ATAD2B: variants seen among roughly 807,000 people sequenced by gnomAD.
ATAD2B encodes ATPase family AAA domain containing 2B.
ATAD2B carries 40 observed loss-of-function variants against 167.6 expected under a neutral mutation model. The ratio of observed to expected loss-of-function variants is 0.24; its 90% CI spans 0.19 to 0.31. ATAD2B has a LOEUF of 0.31. ATAD2B is among the 10% of genes least tolerant of loss of function. The pLI is 1.00. For synonymous variants in ATAD2B, 579 were observed against 596.5 expected (o/e 0.97, Z 0.43); for missense variants, 1,242 against 1,757.2 (o/e 0.71, Z 5.24).
chr2:23,773,649 A>G (rs1489638502), intron 22 of ATAD2B, among the ~76,000 whole-genome samples: 2 of 152,234 alleles, frequency 1.3e-5, no homozygotes, highest in South Asian at 4.1e-4. Flanking sequence ...TAGAAACTAT[A>G]TATTTATGAG....
chr2:23,745,937 G>A (rs1030058475), downstream of ATAD2B, among the ~76,000 whole-genome samples: 1 of 152,210 alleles, frequency 6.6e-6, no homozygotes, highest in African/African-American at 2.4e-5. Context: ...AAATAAATCT[G>A]TGAAACAGAT....
intron 2 of ATAD2B, among the ~76,000 whole-genome samples, chr2:23,891,021 T>A (rs962829000): frequency 4.2e-4 from 18 of 43,358 alleles, no homozygotes; most frequent in African/African-American, 9.8e-4. Flanking sequence ...TATACTGAGA[T>A]TTTTTTTTTT....
the ATAD2B span, among the ~76,000 whole-genome samples, chr2:23,720,994 T>TCCCAGCAGCGTAAAGC: frequency 6.6e-6 from 1 of 151,014 alleles, no homozygotes; most frequent in East Asian, 2.0e-4. Flanking sequence ...TTCCACCACA[T>TCCCAGCAGCGTAAAGC]CCCAGCAGCA....
At chr2:23,765,737 A>G (rs1677318708) in intron 22 of ATAD2B, 109 bp from the exon 23 acceptor site, 3 of 703,034 alleles carry the variant, frequency 4.3e-6, no homozygotes, top group Non-Finnish European at 6.2e-6. Context: ...AAGCATTGCT[A>G]GGTGAGAAAA....
chr2:23,684,638 CCT>C, the ATAD2B span: 1 of 1,050,784 alleles, frequency 9.5e-7, no homozygotes, highest in South Asian at 1.9e-5. This position sits in a 1 kb window ranked among gnomAD's most constrained non-coding sequence, Gnocchi z 4.4. Context: ...AGCGTGACTC[CCT>C]GTCACAGAGC....
intron 4 of ATAD2B, among the ~76,000 whole-genome samples, chr2:23,886,648 T>G (rs898150917): frequency 6.6e-6 from 1 of 152,194 alleles, no homozygotes; most frequent in East Asian, 1.9e-4. Flanking sequence ...AAATACATGC[T>G]AGGCCGGGAG....
chr2:23,883,518 G>T, intron 6 of ATAD2B: 1 of 774,222 alleles, frequency 1.3e-6, no homozygotes, highest in Non-Finnish European at 1.8e-6. Flanking sequence ...TCTAAATATG[G>T]CATATCTACT....
intron 22 of ATAD2B, among the ~76,000 whole-genome samples, chr2:23,769,168 CG>C (rs1252186792): frequency 1.1e-4 from 16 of 152,196 alleles, no homozygotes; most frequent in African/African-American, 3.6e-4. Context: ...TGGCCGAGCA[CG>C]GGGGCTCACG....
At chr2:23,800,022 A>T (rs908332789) in intron 18 of ATAD2B, 3 of 152,080 alleles carry the variant, frequency 2.0e-5, no homozygotes, top group Admixed American at 2.0e-4. Flanking sequence ...GAGAAAAACA[A>T]GCATAAATAT....
chr2:23,680,646 G>A, the ATAD2B span, among the ~76,000 whole-genome samples: 1 of 151,942 alleles, frequency 6.6e-6, no homozygotes, highest in African/African-American at 2.4e-5. The surrounding 1 kb of genome is among the most constrained non-coding windows in gnomAD (Gnocchi z 4.1). Context: ...CTTCTCCTGG[G>A]GTCTCTAGGC....
intron 18 of ATAD2B, among the ~76,000 whole-genome samples, chr2:23,800,836 T>G (rs1490167541): frequency 6.6e-6 from 1 of 152,026 alleles, no homozygotes; most frequent in Non-Finnish European, 1.5e-5. Context: ...AAAATTTATA[T>G]TTGAAAACCT....
chr2:23,880,809 G>T, intron 6 of ATAD2B, 54 bp from the exon 7 acceptor site: 2 of 1,074,290 alleles, frequency 1.9e-6, no homozygotes, highest in Non-Finnish European at 2.8e-6. Context: ...AATTCAAAAG[G>T]ATTGGTCTAC....
chr2:23,925,716 T>G (rs1030000059), intron 1 of ATAD2B, among the ~76,000 whole-genome samples: 5 of 152,228 alleles, frequency 3.3e-5, no homozygotes, highest in African/African-American at 7.2e-5. Flanking sequence ...TTTAATTCAA[T>G]CACCAGCGTC....
chr2:23,696,268 G>A, the ATAD2B span: 669 of 1,509,094 alleles, frequency 4.4e-4, 5 homozygotes, highest in African/African-American at 7.5e-3. The surrounding 1 kb of genome is among the most constrained non-coding windows in gnomAD (Gnocchi z 5.5). Context: ...CCCTGGGGCT[G>A]GGCCTGCTGA....
chr2:23,859,353 AGGCT>A (rs1693970539), intron 12 of ATAD2B, among the ~76,000 whole-genome samples: 1 of 152,058 alleles, frequency 6.6e-6, no homozygotes, highest in Admixed American at 6.6e-5. Context: ...TCTCTCACCC[AGGCT>A]GGAGTGCAGT....
chr2:23,870,226 G>A (rs1181002863), intron 8 of ATAD2B, among the ~76,000 whole-genome samples: 3 of 142,848 alleles, frequency 2.1e-5, no homozygotes, highest in African/African-American at 7.6e-5. Context: ...AAAAAAAGGA[G>A]AATAGAAAGC....
rs1230233545 is a variant in ATAD2B, at chr2:23,823,314, G to A, written c.2075C>T (p.Ala692Val). The change falls in exon 16 of 28, where the codon GCA (alanine) becomes GTA (valine). Residue 692 changes from alanine to valine, a missense_variant. Physicochemically the swap from Ala to Val is moderately conservative, Grantham distance 64. Coordinates refer to ENST00000238789, the MANE Select transcript of ATAD2B (RefSeq NM_017552.4). Reference sequence around the variant, plus strand: ...ATGAGGAAACACTTTTTGCAAGACTGCTAGGATGTTGTTGAAGCTTCTTTC... The same window carrying A: ...ATGAGGAAACACTTTTTGCAAGACTACTAGGATGTTGTTGAAGCTTCTTTC... ...LLERSFNNIL[A>V]VLQKVFPHAE... 2 of 1,613,506 alleles carry A rather than the reference G, an allele frequency of 1.2e-6. No individual in the cohort carries two copies. Among genetic ancestry groups the A allele is most frequent in the Non-Finnish European group, 1.7e-6 (2 of 1,179,722 alleles).
At chr2:23,700,402 T>C in the ATAD2B span, among the ~76,000 whole-genome samples, 1 of 152,244 alleles carries the variant, frequency 6.6e-6, no homozygotes, top group Admixed American at 6.5e-5. This position sits in a 1 kb window ranked among gnomAD's most constrained non-coding sequence, Gnocchi z 4.6. Context: ...TACATGTTAC[T>C]ACTCTCTTGG....
the ATAD2B span, among the ~76,000 whole-genome samples, chr2:23,722,675 A>G: frequency 6.6e-6 from 1 of 152,204 alleles, no homozygotes; most frequent in South Asian, 2.1e-4. Flanking sequence ...TAATAGCAGA[A>G]AACCTCCCAA....
Sources: allele counts gnomAD v4.1 joint callset (sites outside exome capture counted in the v4.1 genomes callset), GRCh38; gene constraint gnomAD v4.1.1; non-coding constraint Gnocchi (gnomAD v3.1); transcripts MANE v1.5; gene names NCBI Gene and HGNC (gene_info 2026-07-23, HGNC 2026-07-21).